The following NTNG1 variants were observed in gnomAD, a reference collection of about 807,000 sequenced individuals.
NTNG1 encodes the protein netrin G1.
A neutral mutation model predicts 54.0 loss-of-function variants in NTNG1; 16 were observed. That is an observed-to-expected ratio of 0.30 (90% CI 0.20 to 0.45). The LOEUF is 0.45. Among genes scored for constraint, NTNG1 ranks in the 20% least tolerant of loss-of-function variants. NTNG1 has a pLI of 1.00. For synonymous variants in NTNG1, 255 were observed against 263.1 expected, an observed-to-expected ratio of 0.97 and a Z score of 0.30; for missense variants, 530 against 678.7, an observed-to-expected ratio of 0.78 and a Z score of 2.43.
At position 107,289,083 on chromosome 1, in the gene NTNG1, A is replaced by T. The variant is rs993891498; in HGVS notation, c.247-35199A>T. Among the ~76,000 whole-genome samples the T allele has an allele frequency of 2.0e-5, 3 of 152,100 alleles. No individual in the cohort carries two copies. The East Asian group carries it at 5.8e-4, about 29-fold the overall frequency. ...AGCTTCTCTTTATTCTTGTCAGTCT[A>T]CTTCAGTGAGAAACACAGACCATCA... On this transcript the variant is annotated intron_variant, in intron 2 of 7. Transcript: ENST00000370068.
At position 107,218,638 on chromosome 1, in the gene NTNG1, G is replaced by A. The variant is rs185030052; in HGVS notation, c.246+69799G>A. On this transcript the variant is annotated intron_variant, in intron 2 of 7. Coordinates refer to ENST00000370068, the MANE Select transcript of NTNG1 (RefSeq NM_001113226.3). ...TAGAGCTCCTTTTAGAAGTTCTCATGGTGCTGGCTTGGTAGTGGCAAATTC... is the reference window on the plus strand; with the variant it reads ...TAGAGCTCCTTTTAGAAGTTCTCATAGTGCTGGCTTGGTAGTGGCAAATTC... 1.4e-4 allele frequency among the ~76,000 whole-genome samples: 21 copies of A among 152,250 alleles called. 1 individual carries two copies. Among genetic ancestry groups the A allele is most frequent in the African/African-American group, 4.8e-4 (20 of 41,546 alleles).
chr1:107,242,547 G>A (rs757328681), intron 2 of NTNG1, among the ~76,000 whole-genome samples: 3 of 152,264 alleles, frequency 2.0e-5, no homozygotes, highest in Non-Finnish European at 1.5e-5. Context: ...CATGTAAGAT[G>A]TGTTAGGTAA....
chr1:107,243,948 T>A (rs895849452), intron 2 of NTNG1, among the ~76,000 whole-genome samples: 4 of 152,078 alleles, frequency 2.6e-5, no homozygotes, highest in Non-Finnish European at 4.4e-5. Context: ...CTACAGAAAA[T>A]GTTAGGAGAT....
chr1:107,249,454 C>G (rs973168486), intron 2 of NTNG1, among the ~76,000 whole-genome samples: 2 of 145,960 alleles, frequency 1.4e-5, no homozygotes, highest in African/African-American at 5.1e-5. Context: ...TGCACTCCAG[C>G]CTGGGCAACA....
At position 107,362,443 on chromosome 1, in the gene NTNG1, A is replaced by C. The variant is rs533213229; in HGVS notation, c.888-32711A>C. 5.9e-5 allele frequency among the ~76,000 whole-genome samples: 9 copies of C among 152,326 alleles called. No individual in the cohort carries two copies. The South Asian group carries it at 1.7e-3, about 28-fold the overall frequency. On this transcript the variant is annotated intron_variant, in intron 3 of 7. Transcript: ENST00000370068. ...TACTGCTTTAATTACTGGAAAGCTA[A>C]GTGTTCACTAGTTAATTTTCACTGT...
chr1:107,479,609 G>A (rs1294284012), intron 7 of NTNG1, among the ~76,000 whole-genome samples: 1 of 152,112 alleles, frequency 6.6e-6, no homozygotes, highest in African/African-American at 2.4e-5. Flanking sequence ...AAATGTTCTT[G>A]GCTCTTTTAC....
At chr1:107,210,945 G>A (rs2101378701) in intron 2 of NTNG1, among the ~76,000 whole-genome samples, 1 of 152,174 alleles carries the variant, frequency 6.6e-6, no homozygotes, top group East Asian at 1.9e-4. Context: ...TCTTAGCTTG[G>A]CTAGTTCTCC....
chr1:107,306,612 A>G (rs937559248), intron 2 of NTNG1, among the ~76,000 whole-genome samples: 1 of 152,134 alleles, frequency 6.6e-6, no homozygotes. Flanking sequence ...TTAGCTGGGC[A>G]TGGTGGCACG....
At chr1:107,247,674 A>C (rs761164606) in intron 2 of NTNG1, among the ~76,000 whole-genome samples, 1 of 152,200 alleles carries the variant, frequency 6.6e-6, no homozygotes, top group Non-Finnish European at 1.5e-5. Context: ...TCAAACTTGT[A>C]ATGCCAACCA....
At chr1:107,182,711 A>G (rs1657163629) in intron 2 of NTNG1, among the ~76,000 whole-genome samples, 1 of 152,076 alleles carries the variant, frequency 6.6e-6, no homozygotes, top group Admixed American at 6.6e-5. Context: ...CCGATCTACA[A>G]TCACACATTC....
chr1:107,315,521 T>G (rs1221084830), intron 2 of NTNG1, among the ~76,000 whole-genome samples: 1 of 152,142 alleles, frequency 6.6e-6, no homozygotes, highest in Non-Finnish European at 1.5e-5. Context: ...TTCACTTCCC[T>G]CTAGCTCATT....
intron 2 of NTNG1, among the ~76,000 whole-genome samples, chr1:107,252,665 T>A (rs1181546427): frequency 2.0e-5 from 3 of 152,190 alleles, no homozygotes; most frequent in African/African-American, 7.2e-5. Flanking sequence ...GGATATCACT[T>A]GGCTTTGCAT....
chr1:107,375,440 A>G (rs945000541), intron 3 of NTNG1, among the ~76,000 whole-genome samples: 1 of 152,216 alleles, frequency 6.6e-6, no homozygotes, highest in Non-Finnish European at 1.5e-5. Context: ...GGTTAAATAC[A>G]GGTCTTGTTA....
At chr1:107,168,000 T>C (rs1570749978) in intron 2 of NTNG1, among the ~76,000 whole-genome samples, 1 of 152,086 alleles carries the variant, frequency 6.6e-6, no homozygotes, top group African/African-American at 2.4e-5. Context: ...CATTGGGCTA[T>C]TGACAAATTG....
intron 2 of NTNG1, among the ~76,000 whole-genome samples, chr1:107,294,959 C>T (rs574413204): frequency 1.1e-4 from 16 of 152,334 alleles, no homozygotes; most frequent in African/African-American, 3.8e-4. Context: ...TAAATGCACT[C>T]AGTAAGTGAA....
At chr1:107,414,797 T>C (rs1181013000) in intron 5 of NTNG1, among the ~76,000 whole-genome samples, 1 of 152,142 alleles carries the variant, frequency 6.6e-6, no homozygotes, top group East Asian at 1.9e-4. Flanking sequence ...TAGCAGACAG[T>C]GTCATTATCT....
At chr1:107,253,146 C>T (rs1283361013) in intron 2 of NTNG1, among the ~76,000 whole-genome samples, 1 of 152,224 alleles carries the variant, frequency 6.6e-6, no homozygotes, top group Non-Finnish European at 1.5e-5. Context: ...TGGTTTCACT[C>T]AGCTTTCATG....
intron 2 of NTNG1, among the ~76,000 whole-genome samples, chr1:107,300,733 C>A (rs1342097506): frequency 6.6e-6 from 1 of 151,988 alleles, no homozygotes; most frequent in East Asian, 1.9e-4. Context: ...ATTTATGTCT[C>A]CAGAATTTTA....
chr1:107,190,456 T>C (rs903823749), intron 2 of NTNG1, among the ~76,000 whole-genome samples: 1 of 152,282 alleles, frequency 6.6e-6, no homozygotes, highest in African/African-American at 2.4e-5. Flanking sequence ...CTTTAAGTTT[T>C]AGGGTACATG....
Sources: gnomAD v4.1 joint callset for allele counts (sites outside exome capture counted in the v4.1 genomes callset) on GRCh38, gnomAD v4.1.1 for gene constraint, MANE v1.5 for transcripts, NCBI Gene and HGNC (gene_info 2026-07-23, HGNC 2026-07-21) for gene names.